The following UACA variants were observed in gnomAD, a reference collection of about 807,000 sequenced individuals.
The protein encoded by UACA is uveal autoantigen with coiled-coil domains and ankyrin repeats, also known as nuclear membrane binding protein.
Under a neutral mutation model 160.5 loss-of-function variants are expected in UACA, and 112 were observed. The ratio of observed to expected loss-of-function variants is 0.70; its 90% CI spans 0.60 to 0.82. The LOEUF is 0.82. UACA is among the 40% of genes least tolerant of loss of function. UACA has a pLI of 0.00. For missense variants in UACA, 1,574 were observed against 1,614.6 expected, an observed-to-expected ratio of 0.97 and a Z score of 0.43; for synonymous variants, 557 against 568.4, an observed-to-expected ratio of 0.98 and a Z score of 0.29.
chr15:70,747,880 C>G (rs1265178075), intron 1 of UACA, among the ~76,000 whole-genome samples: 1 of 151,884 alleles, frequency 6.6e-6, no homozygotes, highest in African/African-American at 2.4e-5. Flanking sequence ...TAATTTATGT[C>G]CCAGAGAAAC....
the UACA span, among the ~76,000 whole-genome samples, chr15:70,770,669 A>G: frequency 6.6e-6 from 1 of 152,220 alleles, no homozygotes; most frequent in African/African-American, 2.4e-5. Flanking sequence ...CTGGACCTAA[A>G]CAATAATTAA....
rs749637765 is a variant in UACA, at chr15:70,669,258, C to A, written c.1426G>T (p.Ala476Ser). The change falls in exon 16 of 19, where the codon GCT (alanine) becomes TCT (serine). Residue 476 changes from alanine (A) to serine (S), a missense_variant. Coordinates refer to ENST00000322954, the MANE Select transcript of UACA (RefSeq NM_018003.4). ...ELAHKVAECK[A>S]LALECERVKE... ...ACCCTTTCACATTCTAATGCTAAAG[C>A]TTTGCATTCTGCCACTTTGTGTGCC... 3 of 1,614,034 alleles carry A rather than the reference C, an allele frequency of 1.9e-6. No individual in the cohort carries two copies. The highest frequency in any genetic ancestry group is 2.5e-6 in the Non-Finnish European group (3 of 1,179,980).
chr15:70,774,069 G>C, the UACA span, among the ~76,000 whole-genome samples: 4 of 152,152 alleles, frequency 2.6e-5, no homozygotes, highest in African/African-American at 9.7e-5. Flanking sequence ...ACAAAGTACT[G>C]CTATTACTAT....
chr15:70,729,888 A>ACCTGACC (rs1899269444), intron 1 of UACA, among the ~76,000 whole-genome samples: 1 of 116,550 alleles, frequency 8.6e-6, no homozygotes, highest in African/African-American at 4.3e-5. Flanking sequence ...GCACACTGAC[A>ACCTGACC]CCTCACACGG....
At chr15:70,737,480 G>A (rs1899404343) in intron 1 of UACA, among the ~76,000 whole-genome samples, 1 of 152,162 alleles carries the variant, frequency 6.6e-6, no homozygotes, top group South Asian at 2.1e-4. Context: ...ACCATGGTAG[G>A]TGGATCACCT....
intron 4 of UACA, among the ~76,000 whole-genome samples, chr15:70,690,842 T>C (rs1481251001): frequency 4.6e-5 from 7 of 152,136 alleles, no homozygotes; most frequent in Admixed American, 6.5e-5. Context: ...AGTTCTGCTA[T>C]GAAACTTAGT....
chr15:70,749,530 A>C (rs1035171559), intron 1 of UACA, among the ~76,000 whole-genome samples: 4 of 151,118 alleles, frequency 2.6e-5, no homozygotes, highest in African/African-American at 9.8e-5. Context: ...GTCTCAAAAA[A>C]AAAAAACAAA....
At chr15:70,679,851 G>A (rs552880904) in intron 9 of UACA, 175 bp from the exon 10 acceptor site, 1 of 377,734 alleles carries the variant, frequency 2.6e-6, no homozygotes, top group East Asian at 4.1e-5. Flanking sequence ...GGACCTTTAA[G>A]ACTATGTTTT....
chr15:70,656,915 T>TA lies in UACA; in HGVS notation c.*140dup, dbSNP rs367590847. Reference sequence around the variant, plus strand: ...AAAGACTAACATATTCATCTAATTTTAAAAAAAAACCTACCAATAGAACAA... The same window carrying TA: ...AAAGACTAACATATTCATCTAATTTTAAAAAAAAAACCTACCAATAGAACAA... On this transcript the variant is annotated 3_prime_UTR_variant, in exon 19 of 19. Coordinates refer to ENST00000322954, the MANE Select transcript of UACA (RefSeq NM_018003.4). 451 of 521,484 alleles carry TA rather than the reference T, an allele frequency of 8.6e-4. No individual in the cohort carries two copies. The highest frequency in any genetic ancestry group is 1.9e-3 in the South Asian group (45 of 23,474). The allele number at this position is 521,484 out of a possible 1,614,324, so 32.3% of individuals were successfully genotyped here. A position where few individuals can be genotyped will look rare whatever the true frequency, so the allele number is the denominator to read the frequency against.
chr15:70,665,856 T>C lies in UACA; in HGVS notation c.3960+868A>G, dbSNP rs182618504. Among the ~76,000 whole-genome samples the C allele has an allele frequency of 2.0e-5, 3 of 152,286 alleles. No homozygotes were observed. In the East Asian group the frequency reaches 5.8e-4, roughly 29 times the overall value. On this transcript the variant is annotated intron_variant, in intron 16 of 18. Transcript: ENST00000322954. Reference sequence around the variant, plus strand: ...TCCACTGTATCCCCAGCACATGACATGCAGAAGGCATTTAATCATTACATG... The same window carrying C: ...TCCACTGTATCCCCAGCACATGACACGCAGAAGGCATTTAATCATTACATG...
chr15:70,765,423 T>C (rs2030985442), upstream of UACA, among the ~76,000 whole-genome samples: 1 of 152,204 alleles, frequency 6.6e-6, no homozygotes, highest in Non-Finnish European at 1.5e-5. Context: ...TAAGTGTATG[T>C]CCCTTCCAAG....
chr15:70,666,864 C>T lies in UACA; in HGVS notation c.3820G>A (p.Glu1274Lys). Residue 1274 changes from glutamate to lysine, a missense_variant, in exon 16 of 19, where the codon GAG (glutamate) becomes AAG (lysine). By Grantham distance (56) the Glu-to-Lys change is moderately conservative. Transcript: ENST00000322954. ...ATGCTGAAATGCAGTAATTCCTTCT[C>T]ATCTTTTGCAGATATTTCCTTCTTT... ...AKKKEISAKD[E>K]KELLHFSIEQ... The T allele has an allele frequency of 6.2e-7, 1 of 1,613,948 alleles. No individual in the cohort carries two copies. The highest frequency in any genetic ancestry group is 8.5e-7 in the Non-Finnish European group (1 of 1,179,954).
At position 70,740,211 on chromosome 15, in the gene UACA, G is replaced by A. The variant is rs550077640; in HGVS notation, c.78+23119C>T. Among the ~76,000 whole-genome samples the A allele has an allele frequency of 3.4e-4, 51 of 152,182 alleles. 1 individual carries two copies. In the South Asian group the frequency reaches 0.01, roughly 31 times the overall value. Reference sequence around the variant, plus strand: ...TGTGAATCTTATAATATTGTAAATTGTAATCTTGTAATTTGTGAATATTAT... The same window carrying A: ...TGTGAATCTTATAATATTGTAAATTATAATCTTGTAATTTGTGAATATTAT... On this transcript the variant is annotated intron_variant, in intron 1 of 18. Transcript: ENST00000322954.
chr15:70,720,011 A>G (rs371476504), intron 1 of UACA, among the ~76,000 whole-genome samples: 4 of 152,024 alleles, frequency 2.6e-5, no homozygotes, highest in Admixed American at 6.6e-5. Flanking sequence ...GTAATCCCCA[A>G]TGTTGGAGGT....
chr15:70,718,351 T>TGC (rs1476512163), intron 1 of UACA, among the ~76,000 whole-genome samples: 1 of 147,902 alleles, frequency 6.8e-6, no homozygotes, highest in East Asian at 2.0e-4. Context: ...TGTGTGTGTG[T>TGC]GTGTGTGTGT....
At chr15:70,677,238 T>C in intron 11 of UACA, 98 bp from the exon 12 acceptor site, 3 of 895,488 alleles carry the variant, frequency 3.4e-6, no homozygotes, top group African/African-American at 1.7e-5. Flanking sequence ...GGCAAATGTC[T>C]TTAAGACTAG....
At chr15:70,752,131 G>A (rs1312186985) in intron 1 of UACA, among the ~76,000 whole-genome samples, 6 of 151,720 alleles carry the variant, frequency 4.0e-5, no homozygotes, top group South Asian at 4.2e-4. Context: ...CCAGCTACTC[G>A]GGAGGCTGAG....
chr15:70,673,301 AC>A (rs1242952210), intron 13 of UACA, among the ~76,000 whole-genome samples: 2 of 151,716 alleles, frequency 1.3e-5, no homozygotes, highest in Admixed American at 1.3e-4. Context: ...AAAACAAAAA[AC>A]CCCAGAGTGA....
intron 1 of UACA, among the ~76,000 whole-genome samples, chr15:70,748,303 T>A (rs1899773530): frequency 6.6e-6 from 1 of 152,144 alleles, no homozygotes; most frequent in Non-Finnish European, 1.5e-5. Context: ...ATTGAGCATC[T>A]CTCTAAGTGT....
Sources: allele counts gnomAD v4.1 joint callset (sites outside exome capture counted in the v4.1 genomes callset), GRCh38; gene constraint gnomAD v4.1.1; transcripts MANE v1.5; gene names NCBI Gene and HGNC (gene_info 2026-07-23, HGNC 2026-07-21).